DIP2A: variants seen among roughly 807,000 people sequenced by gnomAD.
DIP2A encodes the protein DIP2 acetate--CoA ligase A, also known as disco-interacting protein 2 homolog A.
Under a neutral mutation model 177.4 loss-of-function variants are expected in DIP2A, and 85 were observed. The ratio of observed to expected loss-of-function variants is 0.48; its 90% CI spans 0.40 to 0.57. The LOEUF (loss-of-function observed/expected upper bound fraction) is 0.57. Ranked by LOEUF, DIP2A falls within the 20% of genes least tolerant of loss-of-function variation. DIP2A has a pLI of 0.00. For synonymous variants in DIP2A, 886 were observed against 881.8 expected (o/e 1.00, Z -0.08); for missense variants, 1,791 against 2,100.2 (o/e 0.85, Z 2.88).
At chr21:46,554,376 G>C (rs992965953) in intron 26 of DIP2A, 84 bp downstream of exon 26, 3 of 1,570,872 alleles carry the variant, frequency 1.9e-6, no homozygotes, top group African/African-American at 1.4e-5. Flanking sequence ...CTCCCTCCCC[G>C]AAGCATCTTC....
rs755277358 is a variant in DIP2A at position 46,556,032 on chromosome 21, G to A, written c.3439G>A (p.Asp1147Asn). ...IASVFRPPSP[D>N]VLAYLDFSVS... The stretch of plus-strand genomic sequence containing the variant: ...AAGCGTTTTCAGGCCCCCCTCCCCC[G>A]ATGTCCTCGCATACTTGGACTTCAG... The change falls in exon 29 of 38, where the codon GAT (aspartate) becomes AAT (asparagine). Residue 1147 changes from aspartate to asparagine, a missense_variant. Coordinates refer to ENST00000417564, the MANE Select transcript of DIP2A (RefSeq NM_015151.4). The surrounding 1 kb of genome is among the most constrained non-coding windows in gnomAD (Gnocchi z 4.5). 19 of 1,613,770 alleles carry A rather than the reference G, an allele frequency of 1.2e-5. No homozygotes were observed. The highest frequency in any genetic ancestry group is 3.3e-5 in the South Asian group (3 of 91,070).
In DIP2A at chr21:46,557,526, G is replaced by C. The variant is rs1601838262; in HGVS notation, c.3630-59G>C. The stretch of plus-strand genomic sequence containing the variant: ...AGAAGTGTTCTTGAGGAAGGGAAGA[G>C]TGGAGTGCCCAGGGTGCTGGGTGGG... On this transcript the variant is annotated intron_variant, in intron 30 of 37. Coordinates refer to ENST00000417564, the MANE Select transcript of DIP2A (RefSeq NM_015151.4). This position sits in a 1 kb window ranked among gnomAD's most constrained non-coding sequence, Gnocchi z 6.0. 13 of 1,546,978 alleles carry C rather than the reference G, an allele frequency of 8.4e-6. No homozygotes were observed. In the East Asian group the frequency reaches 3.0e-4, roughly 36 times the overall value.
At chr21:46,470,066 G>A (rs1336886752) in intron 1 of DIP2A, among the ~76,000 whole-genome samples, 7 of 152,196 alleles carry the variant, frequency 4.6e-5, no homozygotes, top group Non-Finnish European at 8.8e-5. Context: ...GGCCAGGTGC[G>A]GTGGCTCACG....
chr21:46,495,289 A>T (rs2057294088), intron 3 of DIP2A, among the ~76,000 whole-genome samples: 2 of 106,900 alleles, frequency 1.9e-5, no homozygotes, highest in African/African-American at 3.3e-5. Context: ...TGTTTTTGAG[A>T]TGGAGTTTCA....
At chr21:46,539,845 T>G in intron 16 of DIP2A, 32 bp from the exon 17 acceptor site, 1 of 1,562,718 alleles carries the variant, frequency 6.4e-7, no homozygotes. Context: ...CCCCAGTTAG[T>G]GCTGGCGTTC....
In DIP2A at chr21:46,557,066, G is replaced by A; in HGVS notation, c.3626G>A (p.Cys1209Tyr). The change falls in exon 30 of 38, where the codon TGC becomes TAC. Residue 1209 changes from cysteine to tyrosine, a missense_variant. Physicochemically the swap from Cys to Tyr is radical, Grantham distance 194. Transcript: ENST00000417564. This position sits in a 1 kb window ranked among gnomAD's most constrained non-coding sequence, Gnocchi z 6.0. ...CGLGFALWCL[C>Y]SVYSGHQSVL... is the part of the protein sequence containing the mutation. Reference sequence around the variant, plus strand: ...CTTGGTTTTGCCCTGTGGTGTCTGTGCAGGTGAGTGCAGGGCCCCTGCTGC... The same window carrying A: ...CTTGGTTTTGCCCTGTGGTGTCTGTACAGGTGAGTGCAGGGCCCCTGCTGC... 1 of 1,605,298 alleles carries A rather than the reference G, an allele frequency of 6.2e-7. No homozygotes were observed. The highest frequency in any genetic ancestry group is 8.5e-7 in the Non-Finnish European group (1 of 1,176,188).
chr21:46,463,804 G>A (rs898662281), intron 1 of DIP2A, among the ~76,000 whole-genome samples: 3 of 151,628 alleles, frequency 2.0e-5, no homozygotes, highest in African/African-American at 7.3e-5. Context: ...CACCTCCCGG[G>A]TTCAAGCAAT....
intron 1 of DIP2A, chr21:46,463,245 TA>T (rs2054480613): frequency 1.3e-5 from 2 of 152,354 alleles, no homozygotes; most frequent in African/African-American, 4.8e-5. Flanking sequence ...CCTTGATATT[TA>T]AAAAAGAATT....
At chr21:46,538,777 T>C in intron 16 of DIP2A, 175 bp downstream of exon 16, 2 of 965,142 alleles carry the variant, frequency 2.1e-6, no homozygotes, top group South Asian at 1.8e-5. Flanking sequence ...GTTTATCCCA[T>C]GCATGTTTAT....
intron 7 of DIP2A, among the ~76,000 whole-genome samples, chr21:46,509,991 G>A (rs559859885): frequency 2.4e-4 from 36 of 152,262 alleles, no homozygotes; most frequent in Non-Finnish European, 3.5e-4. Context: ...TTATTTCCCC[G>A]TTGTAATCAG....
At chr21:46,476,168 G>A (rs1025907710) in intron 1 of DIP2A, among the ~76,000 whole-genome samples, 8 of 151,912 alleles carry the variant, frequency 5.3e-5, no homozygotes, top group South Asian at 2.1e-4. Flanking sequence ...GTGTGAACCC[G>A]GGAGGCGGAG....
chr21:46,487,406 G>C (rs907263108), intron 2 of DIP2A, among the ~76,000 whole-genome samples: 1 of 152,158 alleles, frequency 6.6e-6, no homozygotes, highest in African/African-American at 2.4e-5. Context: ...TAAACAACCA[G>C]ATACTGTAGC....
the DIP2A span, among the ~76,000 whole-genome samples, chr21:46,575,331 G>A: frequency 6.6e-6 from 1 of 152,156 alleles, no homozygotes; most frequent in Non-Finnish European, 1.5e-5. Flanking sequence ...ACTCAGTAGT[G>A]AAAATCTGCA....
chr21:46,477,166 T>G (rs2055922564), intron 1 of DIP2A, among the ~76,000 whole-genome samples: 1 of 152,106 alleles, frequency 6.6e-6, no homozygotes, highest in African/African-American at 2.4e-5. Flanking sequence ...TCTAGCAACA[T>G]TGACTTAAGC....
rs984962272 is a variant in DIP2A, at chr21:46,568,560, T to G, written c.*938T>G. The G allele has an allele frequency of 6.6e-6, 1 of 152,226 alleles. No homozygotes were observed. Among genetic ancestry groups the G allele is most frequent in the Non-Finnish European group, 1.5e-5 (1 of 68,038 alleles). 9.4% of individuals were successfully genotyped at this position (152,226 alleles called of 1,614,324 possible). On this transcript the variant is annotated 3_prime_UTR_variant, in exon 38 of 38. Transcript: ENST00000417564. Reference sequence around the variant, plus strand: ...AGGTGTGCTGCTTGTCAGCATGTATTGTCACGGACACTCAATAAGTGCCAT... The same window carrying G: ...AGGTGTGCTGCTTGTCAGCATGTATGGTCACGGACACTCAATAAGTGCCAT...
chr21:46,492,435 CTTTG>C (rs768387952), intron 3 of DIP2A, among the ~76,000 whole-genome samples: 4 of 152,208 alleles, frequency 2.6e-5, no homozygotes, highest in Non-Finnish European at 5.9e-5. Context: ...AGTCCTTCAA[CTTTG>C]TTTCTTATCT....
At chr21:46,527,458 T>C (rs191351095) in intron 8 of DIP2A, among the ~76,000 whole-genome samples, 28 of 151,310 alleles carry the variant, frequency 1.9e-4, no homozygotes, top group African/African-American at 6.3e-4. Context: ...CCTGAGTAGT[T>C]GGGATTACAG....
chr21:46,526,092 T>C (rs1427931782), intron 8 of DIP2A, among the ~76,000 whole-genome samples: 2 of 151,346 alleles, frequency 1.3e-5, no homozygotes, highest in Admixed American at 1.3e-4. Context: ...TTATTTTTAG[T>C]AGAGATGGGG....
Position 46,461,621 on chromosome 21 carries a change from G to C in DIP2A, c.91+2399G>C, listed in dbSNP as rs115099872. ...ACAGAACACAAGTACTTAAATGAAA[G>C]AAATGTTTCCTATCTGTTGGATCCA... On this transcript the variant is annotated intron_variant, in intron 1 of 37. Transcript: ENST00000417564. Among the ~76,000 whole-genome samples the C allele has an allele frequency of 7.0e-3, 1,061 of 152,272 alleles. 22 individuals are homozygous for C. The highest frequency in any genetic ancestry group is 0.025 in the African/African-American group (1,023 of 41,548).
Sources: allele counts gnomAD v4.1 joint callset (sites outside exome capture counted in the v4.1 genomes callset), GRCh38; gene constraint gnomAD v4.1.1; non-coding constraint Gnocchi (gnomAD v3.1); transcripts MANE v1.5; gene names NCBI Gene and HGNC (gene_info 2026-07-23, HGNC 2026-07-21).